RALGPS1: variants seen among roughly 807,000 people sequenced by gnomAD.
RALGPS1 encodes the protein Ral GEF with PH domain and SH3 binding motif 1.
Under a neutral mutation model 78.8 loss-of-function variants are expected in RALGPS1, and 19 were observed. That is an observed-to-expected ratio of 0.24 (90% CI 0.17 to 0.35). RALGPS1 has a LOEUF of 0.35. Ranked by LOEUF, RALGPS1 falls within the 10% of genes least tolerant of loss-of-function variation. The pLI is 1.00. For synonymous variants in RALGPS1, 228 were observed against 256.3 expected (o/e 0.89, Z 1.06); for missense variants, 454 against 688.3 (o/e 0.66, Z 3.81).
intron 5 of RALGPS1, among the ~76,000 whole-genome samples, chr9:127,048,847 C>T (rs574252704): frequency 3.9e-5 from 6 of 152,266 alleles, no homozygotes; most frequent in Admixed American, 2.6e-4. Context: ...AAAAATGATT[C>T]TATGGAAACC....
chr9:127,060,576 G>A (rs1261615354), intron 7 of RALGPS1, among the ~76,000 whole-genome samples: 1 of 151,926 alleles, frequency 6.6e-6, no homozygotes, highest in Non-Finnish European at 1.5e-5. Context: ...GACTATTCTC[G>A]AATGGGTTGG....
intron 4 of RALGPS1, among the ~76,000 whole-genome samples, chr9:127,002,844 CATT>C (rs2043468446): frequency 6.6e-6 from 1 of 151,986 alleles, no homozygotes; most frequent in Admixed American, 6.6e-5. Context: ...TCCAGTCTAT[CATT>C]GTTGGGCATT....
At chr9:127,140,009 G>T (rs1311526147) in intron 8 of RALGPS1, among the ~76,000 whole-genome samples, 4 of 152,214 alleles carry the variant, frequency 2.6e-5, no homozygotes, top group Admixed American at 6.5e-5. Context: ...GATGACATGT[G>T]TTGATGGCTT....
intron 8 of RALGPS1, chr9:127,089,192 G>A (rs1030136850): frequency 1.4e-5 from 22 of 1,584,298 alleles, no homozygotes; most frequent in Admixed American, 8.3e-5. Context: ...TTCTACTTGC[G>A]TCCATAGTGC....
Position 127,199,048 on chromosome 9 carries a change from T to A in RALGPS1, c.1229T>A (p.Met410Lys), listed in dbSNP as rs1279637609. The part of the protein sequence containing the change: ...SSESSEFSEE[M>K]SSGLESPTGP... ...GAGAGCTCAGAGTTTAGTGAAGAGA[T>A]GTCTTCAGGGCTGGAAAGGTGAGTG... The change falls in exon 14 of 19, where the codon ATG becomes AAG. Residue 410 changes from methionine to lysine, a missense_variant. Met to Lys is a moderately conservative substitution (Grantham distance 95). Transcript: ENST00000259351. 6.2e-7 allele frequency: 1 copy of A among 1,614,052 alleles called. No individual in the cohort carries two copies. The highest frequency in any genetic ancestry group is 8.5e-7 in the Non-Finnish European group (1 of 1,179,920).
At chr9:126,950,430 T>G (rs2037702635) in intron 1 of RALGPS1, among the ~76,000 whole-genome samples, 1 of 152,220 alleles carries the variant, frequency 6.6e-6, no homozygotes, top group Non-Finnish European at 1.5e-5. Context: ...ACGATATTGA[T>G]TCTTCCTACC....
At chr9:126,977,891 G>C (rs1362251277) in intron 4 of RALGPS1, 146 bp downstream of exon 4, 7 of 551,748 alleles carry the variant, frequency 1.3e-5, no homozygotes, top group Non-Finnish European at 1.9e-5. Context: ...ATTCTTGATG[G>C]TGCTCATGTT....
chr9:127,099,948 C>G (rs904696579), intron 8 of RALGPS1, among the ~76,000 whole-genome samples: 1 of 152,060 alleles, frequency 6.6e-6, no homozygotes, highest in Non-Finnish European at 1.5e-5. Flanking sequence ...ATGTTTGAGG[C>G]CTAAAAAGAC....
At chr9:127,129,174 A>G (rs16929610) in intron 8 of RALGPS1, among the ~76,000 whole-genome samples, 8,350 of 152,248 alleles carry the variant, frequency 0.055, 799 homozygotes, top group African/African-American at 0.19. Flanking sequence ...AGGCGTGTCC[A>G]GCTCTCTCAT....
At chr9:126,951,398 A>C (rs2037802121) in intron 1 of RALGPS1, among the ~76,000 whole-genome samples, 1 of 151,450 alleles carries the variant, frequency 6.6e-6, no homozygotes, top group South Asian at 2.1e-4. Flanking sequence ...TCCTTGATGA[A>C]CATCGATGCA....
intron 8 of RALGPS1, among the ~76,000 whole-genome samples, chr9:127,116,984 C>G (rs562329731): frequency 2.8e-4 from 42 of 152,258 alleles, no homozygotes; most frequent in African/African-American, 7.7e-4. Flanking sequence ...GGTGCTCTCT[C>G]CCCTGCAGTC....
At chr9:126,989,960 C>T (rs10819260) in intron 4 of RALGPS1, 345,625 of 1,549,972 alleles carry the variant, frequency 0.22, 42,030 homozygotes, top group East Asian at 0.43. Flanking sequence ...CCACATGACA[C>T]GTTGCAGTTC....
intron 3 of RALGPS1, among the ~76,000 whole-genome samples, chr9:126,971,168 A>G (rs1482557621): frequency 6.6e-6 from 1 of 152,188 alleles, no homozygotes; most frequent in Non-Finnish European, 1.5e-5. Flanking sequence ...ATGATAGCCA[A>G]GGAACATCCA....
At chr9:127,006,355 A>T (rs1366109062) in intron 4 of RALGPS1, among the ~76,000 whole-genome samples, 3 of 152,218 alleles carry the variant, frequency 2.0e-5, no homozygotes, top group African/African-American at 4.8e-5. Flanking sequence ...ACCCTTGGAG[A>T]ATGGTGGCGT....
chr9:126,940,267 T>C (rs190307928), intron 1 of RALGPS1, among the ~76,000 whole-genome samples: 2 of 152,222 alleles, frequency 1.3e-5, no homozygotes, highest in Admixed American at 1.3e-4. Context: ...ACTGTTCCAT[T>C]GCACAGTTAG....
rs570535426 is a variant in RALGPS1 at position 126,967,152 on chromosome 9, G to A, written c.165+1201G>A. Reference sequence around the variant, plus strand: ...TTTACTTTGTGCCAGGCCATACTGAGCCTGGCACATGCATCATCTCCTTCA... The same window carrying A: ...TTTACTTTGTGCCAGGCCATACTGAACCTGGCACATGCATCATCTCCTTCA... On this transcript the variant is annotated intron_variant, in intron 3 of 18. Transcript: ENST00000259351. 4.6e-5 allele frequency among the ~76,000 whole-genome samples: 7 copies of A among 152,252 alleles called. No homozygotes were observed. The East Asian group carries it at 1.4e-3, about 29-fold the overall frequency.
At chr9:126,942,300 C>T (rs575358515) in intron 1 of RALGPS1, among the ~76,000 whole-genome samples, 14 of 150,500 alleles carry the variant, frequency 9.3e-5, no homozygotes, top group Non-Finnish European at 1.3e-4. Context: ...TTTTTTTTTA[C>T]CTCCAAATTA....
intron 8 of RALGPS1, among the ~76,000 whole-genome samples, chr9:127,070,494 C>T (rs1424048655): frequency 2.0e-5 from 3 of 152,176 alleles, no homozygotes; most frequent in Non-Finnish European, 4.4e-5. Context: ...TTCCAAAATG[C>T]ACTCCAGAGA....
At position 127,134,013 on chromosome 9, in the gene RALGPS1, C is replaced by T. The variant is rs367741264; in HGVS notation, c.611-32056C>T. Among the ~76,000 whole-genome samples, 9 of 151,656 alleles carry T rather than the reference C, an allele frequency of 5.9e-5. No individual in the cohort carries two copies. The East Asian group carries it at 1.2e-3, about 20-fold the overall frequency. On this transcript the variant is annotated intron_variant, in intron 8 of 18. Transcript: ENST00000259351. ...AAATGCTCTTGTCCTCGCTCCCCCC[C>T]CCGTGAATGCTGTGATTCAGCACAC...
Sources: allele counts gnomAD v4.1 joint callset (sites outside exome capture counted in the v4.1 genomes callset), GRCh38; gene constraint gnomAD v4.1.1; transcripts MANE v1.5; gene names NCBI Gene and HGNC (gene_info 2026-07-23, HGNC 2026-07-21).